Variants in PTPRG observed in about 807,000 individuals in gnomAD.
PTPRG encodes the protein receptor-type tyrosine-protein phosphatase gamma.
In PTPRG, 102 loss-of-function variants were observed where a neutral mutation model predicts 165.3. The observed-to-expected ratio is 0.62, with a 90% CI of 0.53 to 0.73. The LOEUF is 0.73. Among genes scored for constraint, PTPRG ranks in the 30% least tolerant of loss-of-function variants. PTPRG has a pLI of 0.00. For missense variants in PTPRG, 1,866 were observed against 1,861.4 expected (o/e 1.00, Z -0.05); for synonymous variants, 675 against 669.5 (o/e 1.01, Z -0.13).
At chr3:61,721,983 A>G (rs533245151) in intron 1 of PTPRG, among the ~76,000 whole-genome samples, 188 of 152,284 alleles carry the variant, frequency 1.2e-3, no homozygotes, top group African/African-American at 4.2e-3. Context: ...GAAGTGTTGC[A>G]TCGAGACCAG....
chr3:61,612,088 G>C (rs1701187324), intron 1 of PTPRG, among the ~76,000 whole-genome samples: 1 of 152,072 alleles, frequency 6.6e-6, no homozygotes, highest in Admixed American at 6.5e-5. Context: ...GACAACAGGC[G>C]CCTGCCACCA....
intron 1 of PTPRG, among the ~76,000 whole-genome samples, chr3:61,696,530 C>G (rs1374485044): frequency 6.6e-6 from 1 of 152,168 alleles, no homozygotes; most frequent in Non-Finnish European, 1.5e-5. Flanking sequence ...CAAATTCTAG[C>G]CACATGCTTA....
intron 1 of PTPRG, among the ~76,000 whole-genome samples, chr3:61,575,956 C>A (rs1401232762): frequency 1.3e-5 from 2 of 152,056 alleles, no homozygotes; most frequent in African/African-American, 4.8e-5. Flanking sequence ...TTTTTAATAG[C>A]CAGTGTTTAA....
chr3:62,250,267 A>C (rs922920417), intron 15 of PTPRG, among the ~76,000 whole-genome samples: 6 of 152,198 alleles, frequency 3.9e-5, no homozygotes, highest in East Asian at 1.9e-4. Flanking sequence ...GGAGTCACGC[A>C]GTCTGGCTCT....
At chr3:61,996,133 A>G (rs2041035411) in intron 3 of PTPRG, among the ~76,000 whole-genome samples, 1 of 152,056 alleles carries the variant, frequency 6.6e-6, no homozygotes, top group African/African-American at 2.4e-5. Flanking sequence ...TATTTGTTGT[A>G]TCTGTGGAGT....
chr3:61,989,653 G>C lies in PTPRG; in HGVS notation c.219G>C (p.Thr73=). The C allele has an allele frequency of 1.2e-6, 2 of 1,614,062 alleles. No individual in the cohort carries two copies. The highest frequency in any genetic ancestry group is 1.7e-6 in the Non-Finnish European group (2 of 1,179,974). Residue 73 remains threonine, a synonymous_variant, in exon 3 of 30, where the codon ACG becomes ACC. Transcript: ENST00000474889. ...SGAYGPEHWV[T]SSVSCGGRHQ... ...CCTATGGTCCTGAGCACTGGGTCACGTCTAGTGTCAGCTGTGGGGGCCGTC... is the reference window on the plus strand; with the variant it reads ...CCTATGGTCCTGAGCACTGGGTCACCTCTAGTGTCAGCTGTGGGGGCCGTC...
At chr3:61,924,140 T>TC (rs1310406563) in intron 2 of PTPRG, among the ~76,000 whole-genome samples, 1 of 152,226 alleles carries the variant, frequency 6.6e-6, no homozygotes, top group African/African-American at 2.4e-5. Context: ...TTTCCTTTCC[T>TC]CAAAGGTGTA....
intron 6 of PTPRG, among the ~76,000 whole-genome samples, chr3:62,149,040 T>G (rs540375673): frequency 1.6e-4 from 24 of 152,250 alleles, no homozygotes; most frequent in African/African-American, 5.5e-4. Flanking sequence ...AATCATAACT[T>G]CAGTCTTGTG....
chr3:61,582,614 G>A (rs1174624564), intron 1 of PTPRG, among the ~76,000 whole-genome samples: 1 of 152,226 alleles, frequency 6.6e-6, no homozygotes, highest in Non-Finnish European at 1.5e-5. Context: ...GGGATGCTGT[G>A]AAGGGAAGGA....
chr3:62,012,662 A>C (rs1397212255), intron 4 of PTPRG, among the ~76,000 whole-genome samples: 1 of 152,148 alleles, frequency 6.6e-6, no homozygotes, highest in African/African-American at 2.4e-5. Flanking sequence ...GCAACCCGTC[A>C]CGTGAGGTCA....
chr3:62,204,043 A>T (rs537943222), intron 12 of PTPRG, 93 bp downstream of exon 12: 4 of 1,478,622 alleles, frequency 2.7e-6, no homozygotes, highest in Non-Finnish European at 2.7e-6. Context: ...AAGCTTCAGA[A>T]GGTACTTAAT....
chr3:62,040,393 C>T (rs1315693194), intron 4 of PTPRG, among the ~76,000 whole-genome samples: 1 of 152,178 alleles, frequency 6.6e-6, no homozygotes, highest in Non-Finnish European at 1.5e-5. Context: ...TCCACTGAAG[C>T]TCTCTAAGAC....
chr3:62,014,811 T>C (rs1216345146), intron 4 of PTPRG, among the ~76,000 whole-genome samples: 1 of 152,240 alleles, frequency 6.6e-6, no homozygotes, highest in Admixed American at 6.5e-5. Context: ...CCTAAGCATA[T>C]ATAGTCAGCA....
rs1205328757 is a variant in PTPRG, at chr3:62,092,456, AAAAG to A, written c.615+14202_615+14205del. 3.6e-4 allele frequency among the ~76,000 whole-genome samples: 54 copies of A among 151,036 alleles called. 1 individual carries two copies. Among genetic ancestry groups the A allele is most frequent in the African/African-American group, 1.3e-3 (51 of 40,694 alleles). Reference sequence around the variant, plus strand: ...GTCCATCTGAAAAAAAAAAAAAAAAAAAAGAAAAAGACAAGGACCTTTGCTTGTT... The same window carrying A: ...GTCCATCTGAAAAAAAAAAAAAAAAAAAAAAGACAAGGACCTTTGCTTGTT... On this transcript the variant is annotated intron_variant, in intron 5 of 29. Transcript: ENST00000474889.
chr3:61,766,790 T>G (rs1411609905), intron 2 of PTPRG, among the ~76,000 whole-genome samples: 1 of 151,950 alleles, frequency 6.6e-6, no homozygotes, highest in Non-Finnish European at 1.5e-5. Context: ...CTAATGTTTA[T>G]TGTATTTTTA....
intron 1 of PTPRG, among the ~76,000 whole-genome samples, chr3:61,699,574 A>G (rs553186774): frequency 6.6e-6 from 1 of 152,284 alleles, no homozygotes; most frequent in African/African-American, 2.4e-5. Flanking sequence ...TTTCTGAGCT[A>G]AAAGTGAACA....
In PTPRG at chr3:62,254,652, G is replaced by T. The variant is rs371263124; in HGVS notation, c.2468-472G>T. 5.3e-5 allele frequency among the ~76,000 whole-genome samples: 8 copies of T among 152,036 alleles called. No individual in the cohort carries two copies. The East Asian group carries it at 1.2e-3, about 22-fold the overall frequency. On this transcript the variant is annotated intron_variant, in intron 15 of 29. Transcript: ENST00000474889. The surrounding 1 kb of genome is among the most constrained non-coding windows in gnomAD (Gnocchi z 4.6). ...CATCTATCTATAATTGTGTATAAAGGATTGCTTAAAACTTATAAGATTGGA... is the reference window on the plus strand; with the variant it reads ...CATCTATCTATAATTGTGTATAAAGTATTGCTTAAAACTTATAAGATTGGA...
At chr3:61,801,496 G>A (rs186159098) in intron 2 of PTPRG, among the ~76,000 whole-genome samples, 1 of 151,896 alleles carries the variant, frequency 6.6e-6, no homozygotes, top group African/African-American at 2.4e-5. Context: ...GGGTGGAGGG[G>A]GGAAGAAAGG....
intron 2 of PTPRG, among the ~76,000 whole-genome samples, chr3:61,941,619 C>CAAGAA (rs113469879): frequency 1.3e-5 from 2 of 151,136 alleles, no homozygotes; most frequent in Non-Finnish European, 2.9e-5. Context: ...AACTCCATCT[C>CAAGAA]AACAAAACAA....
Sources: allele counts gnomAD v4.1 joint callset (sites outside exome capture counted in the v4.1 genomes callset), GRCh38; gene constraint gnomAD v4.1.1; non-coding constraint Gnocchi (gnomAD v3.1); transcripts MANE v1.5; gene names NCBI Gene and HGNC (gene_info 2026-07-23, HGNC 2026-07-21).